BBOF1: variants seen among roughly 807,000 people sequenced by gnomAD.
The protein encoded by BBOF1 is basal body orientation factor 1.
Under a neutral mutation model 68.0 loss-of-function variants are expected in BBOF1, and 62 were observed. That is an observed-to-expected ratio of 0.91 (90% CI 0.74 to 1.13). The LOEUF is 1.13. Ranked by LOEUF, BBOF1 falls within the 50% of genes most tolerant of loss-of-function variation. The pLI, the probability that BBOF1 is intolerant of heterozygous loss-of-function variation, is 0.00. For missense variants in BBOF1, 534 were observed against 600.1 expected, an observed-to-expected ratio of 0.89 and a Z score of 1.15; for synonymous variants, 208 against 198.8, an observed-to-expected ratio of 1.05 and a Z score of -0.39.
intron 9 of BBOF1, chr14:74,075,117 G>C (rs2060597628): frequency 9.4e-7 from 1 of 1,060,902 alleles, no homozygotes. Context: ...GTATATAGGG[G>C]GTATGTTTCT....
At chr14:74,064,639 G>C (rs1180806903) in intron 11 of BBOF1, 49 bp from the exon 12 acceptor site, 1 of 1,595,758 alleles carries the variant, frequency 6.3e-7, no homozygotes, top group African/African-American at 1.3e-5. Flanking sequence ...GAATTATTCA[G>C]GAAGAAGCAG....
At chr14:74,033,967 A>G in intron 3 of BBOF1, 61 bp from the exon 4 acceptor site, 2 of 1,407,808 alleles carry the variant, frequency 1.4e-6, no homozygotes, top group Non-Finnish European at 9.6e-7. Flanking sequence ...TTCAAATGAA[A>G]CATGACTTTG....
At chr14:74,054,311 AAAC>A (rs2060134796) in intron 8 of BBOF1, among the ~76,000 whole-genome samples, 1 of 140,996 alleles carries the variant, frequency 7.1e-6, no homozygotes, top group South Asian at 2.3e-4. Context: ...CACCTGGCCT[AAAC>A]AACTTTTTTT....
At chr14:74,031,300 A>G (rs910713589) in intron 3 of BBOF1, among the ~76,000 whole-genome samples, 1 of 151,906 alleles carries the variant, frequency 6.6e-6, no homozygotes, top group Non-Finnish European at 1.5e-5. Flanking sequence ...TTTTGTAGAG[A>G]TGGGGTCTCC....
Position 74,028,731 on chromosome 14 carries a change from CAG to C in BBOF1, c.286-450_286-449del, listed in dbSNP as rs1450430136. On this transcript the variant is annotated intron_variant, in intron 2 of 11. Transcript: ENST00000394009. The stretch of plus-strand genomic sequence containing the variant: ...TCTCTATTTTTTTTTTTTTTTTAGA[CAG>C]AGTCTTGCTCTGTCACCCGGGCTGG... 1.5e-4 allele frequency among the ~76,000 whole-genome samples: 23 copies of C among 149,304 alleles called. No homozygotes were observed. In the East Asian group the frequency reaches 4.5e-3, roughly 29 times the overall value.
chr14:74,073,947 G>T, intron 9 of BBOF1, among the ~76,000 whole-genome samples: 1 of 148,266 alleles, frequency 6.7e-6, no homozygotes. Flanking sequence ...TTTTGAAAAT[G>T]TTTCTATGTA....
At chr14:74,052,586 A>C (rs2060092246) in intron 8 of BBOF1, among the ~76,000 whole-genome samples, 1 of 152,112 alleles carries the variant, frequency 6.6e-6, no homozygotes, top group Admixed American at 6.6e-5. Flanking sequence ...CAGAGGTTGC[A>C]GTGAGCCAAG....
intron 9 of BBOF1, among the ~76,000 whole-genome samples, chr14:74,075,642 G>A (rs1231813659): frequency 2.6e-5 from 4 of 151,642 alleles, no homozygotes; most frequent in African/African-American, 9.7e-5. Flanking sequence ...GGAAGAGAGA[G>A]GGAGACCTTG....
At position 74,034,109 on chromosome 14, in the gene BBOF1, G is replaced by A; in HGVS notation, c.433G>A (p.Glu145Lys). The stretch of plus-strand genomic sequence containing the variant: ...CAAAGAAATTGGCATGATTCACACA[G>A]AGCTGAAAGCAGTAAGACAATTCCA... ...KAKEIGMIHT[E>K]LKAVRQFQKR... is the part of the protein sequence containing the mutation. Residue 145 changes from glutamate to lysine, a missense_variant, in exon 4 of 12, where the codon GAG becomes AAG. Coordinates refer to ENST00000394009, the MANE Select transcript of BBOF1 (RefSeq NM_025057.3). 6.2e-7 allele frequency: 1 copy of A among 1,603,488 alleles called. No individual in the cohort carries two copies.
intron 1 of BBOF1, among the ~76,000 whole-genome samples, chr14:74,022,461 T>C (rs1325362273): frequency 1.3e-5 from 2 of 152,044 alleles, no homozygotes; most frequent in South Asian, 2.1e-4. Flanking sequence ...GGTGGGTGGA[T>C]GGCTTGAGCC....
chr14:74,061,567 C>T (rs2060342776), intron 11 of BBOF1, among the ~76,000 whole-genome samples: 1 of 148,442 alleles, frequency 6.7e-6, no homozygotes, highest in Admixed American at 6.7e-5. Context: ...CTCAGGTGAT[C>T]CGCCAGTCTT....
At chr14:74,052,312 C>T (rs1032419837) in intron 8 of BBOF1, among the ~76,000 whole-genome samples, 10 of 151,710 alleles carry the variant, frequency 6.6e-5, no homozygotes, top group Non-Finnish European at 1.3e-4. Context: ...GCCTTAGTGT[C>T]CTATTGCCTC....
At position 74,019,367 on chromosome 14, in the gene BBOF1, G is replaced by GCGGCGCGGGTGGGGCATTGC; in HGVS notation, c.-110_-91dup. 1.5e-6 allele frequency: 2 copies of GCGGCGCGGGTGGGGCATTGC among 1,358,492 alleles called. No homozygotes were observed. The highest frequency in any genetic ancestry group is 1.5e-5 in the South Asian group (1 of 66,158). The allele number at this position is 1,358,492 out of a possible 1,614,324, so 84.2% of individuals were successfully genotyped here. ...CGCGTGCGCTCTCCGCGCGCCGTCAGCGGCGCGGGTGGGGCATTGCCAGCT... is the reference window on the plus strand; with the variant it reads ...CGCGTGCGCTCTCCGCGCGCCGTCAGCGGCGCGGGTGGGGCATTGCCGGCGCGGGTGGGGCATTGCCAGCT... On this transcript the variant is annotated 5_prime_UTR_variant, in exon 1 of 12. Coordinates refer to ENST00000394009, the MANE Select transcript of BBOF1 (RefSeq NM_025057.3).
At chr14:74,071,691 T>C (rs904969614) in intron 9 of BBOF1, 8 of 1,495,226 alleles carry the variant, frequency 5.4e-6, no homozygotes, top group Middle Eastern at 2.4e-4. Context: ...GATATGTATA[T>C]ACCCACTGGA....
rs918918216 is a variant in BBOF1, at chr14:74,060,864, A to T, written c.1578+3606A>T. On this transcript the variant is annotated intron_variant, in intron 11 of 11. Transcript: ENST00000394009. ...CTCACTTTCCTAATTGAGAAATGCA[A>T]TCAGAATCCAATATATATTGTTCCT... The T allele has an allele frequency of 4.1e-6, 3 of 735,580 alleles. No individual in the cohort carries two copies. In the Admixed American group the frequency reaches 6.2e-5, roughly 15 times the overall value. The allele number at this position is 735,580 out of a possible 1,614,324, so 45.6% of individuals were successfully genotyped here.
chr14:74,054,090 G>T (rs1267803979), intron 8 of BBOF1, among the ~76,000 whole-genome samples: 1 of 151,752 alleles, frequency 6.6e-6, no homozygotes, highest in Non-Finnish European at 1.5e-5. Flanking sequence ...GTTAGCCAGG[G>T]TAGTCTTGAT....
At chr14:74,054,409 C>T (rs1250001990) in intron 8 of BBOF1, among the ~76,000 whole-genome samples, 3 of 150,182 alleles carry the variant, frequency 2.0e-5, no homozygotes, top group South Asian at 2.1e-4. Context: ...GTCGGAGTCT[C>T]GCTCTGTTGC....
At position 74,071,533 on chromosome 14, in the gene BBOF1, CTG is replaced by C. The variant is rs1308410173; in HGVS notation, n.1380-6659_1380-6658del. On this transcript the variant is annotated intron_variant and non_coding_transcript_variant, in intron 9 of 12. Coordinates refer to the BBOF1 transcript ENST00000492026. ...GAAGTCAGGCCATCAGCTCTCCACACTGTGTACTAGTTAGCTTTGTCCTGTTC... is the reference window on the plus strand; with the variant it reads ...GAAGTCAGGCCATCAGCTCTCCACACTGTACTAGTTAGCTTTGTCCTGTTC... 7 of 1,612,792 alleles carry C rather than the reference CTG, an allele frequency of 4.3e-6. No individual in the cohort carries two copies. The Admixed American group carries it at 1.0e-4, about 23-fold the overall frequency.
downstream of BBOF1, chr14:74,068,757 A>G: frequency 3.7e-6 from 5 of 1,366,742 alleles, no homozygotes; most frequent in Non-Finnish European, 5.1e-6. Flanking sequence ...AGAAAGAAAC[A>G]CTGACATTGG....
Sources: allele counts gnomAD v4.1 joint callset (sites outside exome capture counted in the v4.1 genomes callset), GRCh38; gene constraint gnomAD v4.1.1; transcripts MANE v1.5; gene names NCBI Gene and HGNC (gene_info 2026-07-23, HGNC 2026-07-21).